Variants in ZNF827 observed in about 807,000 individuals in gnomAD.
ZNF827 encodes the protein zinc finger protein 827.
Under a neutral mutation model 102.4 loss-of-function variants are expected in ZNF827, and 13 were observed. The observed-to-expected ratio is 0.13, with a 90% CI of 0.08 to 0.20. The LOEUF is 0.20. ZNF827 is among the 10% of genes least tolerant of loss of function. The pLI is 1.00. For synonymous variants in ZNF827, 523 were observed against 536.2 expected, an observed-to-expected ratio of 0.98 and a Z score of 0.34; for missense variants, 1,103 against 1,344.4, an observed-to-expected ratio of 0.82 and a Z score of 2.81.
intron 4 of ZNF827, among the ~76,000 whole-genome samples, chr4:145,878,802 A>G (rs1284049521): frequency 3.3e-5 from 5 of 151,410 alleles, no homozygotes; most frequent in African/African-American, 1.2e-4. Flanking sequence ...GAAAAGAGCT[A>G]GCCAGACAGG....
At chr4:145,818,218 T>G (rs2126456279) in intron 8 of ZNF827, among the ~76,000 whole-genome samples, 1 of 152,322 alleles carries the variant, frequency 6.6e-6, no homozygotes, top group South Asian at 2.1e-4. Flanking sequence ...CAGTGTCTGG[T>G]GACATATTAT....
At chr4:145,849,854 A>C (rs975364685) in intron 5 of ZNF827, among the ~76,000 whole-genome samples, 18 of 152,186 alleles carry the variant, frequency 1.2e-4, no homozygotes, top group African/African-American at 4.1e-4. Flanking sequence ...TTTCTTGACC[A>C]AGGTCTCTCA....
At chr4:145,790,358 G>C (rs550829764) in intron 8 of ZNF827, among the ~76,000 whole-genome samples, 1 of 152,138 alleles carries the variant, frequency 6.6e-6, no homozygotes, top group South Asian at 2.1e-4. Flanking sequence ...GAAAAGAACA[G>C]ATCACTATAA....
chr4:145,855,743 G>A (rs1747032414), intron 5 of ZNF827, among the ~76,000 whole-genome samples: 1 of 152,198 alleles, frequency 6.6e-6, no homozygotes, highest in Admixed American at 6.5e-5. Context: ...GAAATTACAT[G>A]TTTGGCTTCT....
intron 8 of ZNF827, among the ~76,000 whole-genome samples, chr4:145,804,919 T>TG (rs769183450): frequency 2.0e-5 from 3 of 152,232 alleles, no homozygotes; most frequent in Non-Finnish European, 4.4e-5. Context: ...TTACACAATA[T>TG]AATTTGATAT....
intron 8 of ZNF827, among the ~76,000 whole-genome samples, chr4:145,821,271 C>G (rs1407681983): frequency 6.6e-6 from 1 of 152,136 alleles, no homozygotes; most frequent in Non-Finnish European, 1.5e-5. Context: ...TTTTGGATTT[C>G]AGAATTGTGA....
intron 3 of ZNF827, among the ~76,000 whole-genome samples, chr4:145,887,148 G>A (rs1471200143): frequency 2.7e-5 from 4 of 150,434 alleles, no homozygotes; most frequent in African/African-American, 4.9e-5. Context: ...AATGATTTGG[G>A]GAGCTGTGTG....
intron 1 of ZNF827, among the ~76,000 whole-genome samples, chr4:145,926,437 G>A (rs529061511): frequency 1.3e-3 from 192 of 152,222 alleles, no homozygotes; most frequent in African/African-American, 4.2e-3. Flanking sequence ...CTTTAAATCA[G>A]TGCAACCAAT....
chr4:145,935,853 G>C (rs563040265), intron 1 of ZNF827, among the ~76,000 whole-genome samples: 29 of 152,150 alleles, frequency 1.9e-4, no homozygotes, highest in Admixed American at 4.6e-4. Context: ...AAGGTCATCA[G>C]CAGGGCACGC....
At chr4:145,889,745 G>A (rs1750439629) in intron 3 of ZNF827, among the ~76,000 whole-genome samples, 1 of 152,136 alleles carries the variant, frequency 6.6e-6, no homozygotes, top group African/African-American at 2.4e-5. Context: ...GGGAGACCGA[G>A]GCAAGTGAAC....
chr4:145,908,967 G>A (rs1752077205), intron 1 of ZNF827, among the ~76,000 whole-genome samples: 1 of 152,200 alleles, frequency 6.6e-6, no homozygotes, highest in African/African-American at 2.4e-5. Flanking sequence ...TCATTAACAA[G>A]CAGCCTTGCT....
At chr4:145,844,419 C>A (rs932287386) in intron 7 of ZNF827, among the ~76,000 whole-genome samples, 3 of 149,232 alleles carry the variant, frequency 2.0e-5, no homozygotes, top group African/African-American at 7.4e-5. Context: ...GTGGCTCACC[C>A]CTGTAATCCC....
intron 8 of ZNF827, among the ~76,000 whole-genome samples, chr4:145,813,390 C>G (rs1461541648): frequency 6.6e-6 from 1 of 152,078 alleles, no homozygotes; most frequent in East Asian, 1.9e-4. Flanking sequence ...TATTGTTAAT[C>G]TCTTGCTGTG....
chr4:145,772,919 G>A (rs1736501144), intron 11 of ZNF827, among the ~76,000 whole-genome samples: 1 of 152,182 alleles, frequency 6.6e-6, no homozygotes, highest in Non-Finnish European at 1.5e-5. Flanking sequence ...CTGGTTAGTT[G>A]TGAAGTTTCC....
At chr4:145,771,093 G>A (rs2126914818) in intron 11 of ZNF827, 1 of 152,212 alleles carries the variant, frequency 6.6e-6, no homozygotes, top group South Asian at 2.1e-4. Flanking sequence ...CATATCCTTT[G>A]CTAATTCTTC....
At chr4:145,925,146 C>T (rs1415300203) in intron 1 of ZNF827, among the ~76,000 whole-genome samples, 3 of 152,058 alleles carry the variant, frequency 2.0e-5, no homozygotes, top group Non-Finnish European at 2.9e-5. Flanking sequence ...TTCACTATCA[C>T]GAGAACACCA....
At chr4:145,869,595 G>C (rs761761483) in intron 5 of ZNF827, among the ~76,000 whole-genome samples, 1 of 152,130 alleles carries the variant, frequency 6.6e-6, no homozygotes, top group Non-Finnish European at 1.5e-5. Flanking sequence ...GGACAGGGCA[G>C]ATAGGAGATG....
At chr4:145,768,912 T>A (rs1309164619) in intron 11 of ZNF827, among the ~76,000 whole-genome samples, 2 of 43,252 alleles carry the variant, frequency 4.6e-5, no homozygotes, top group Non-Finnish European at 4.6e-5. Flanking sequence ...TATATATATA[T>A]ATATTAGGTA....
chr4:145,900,732 C>T (rs1306878630), intron 2 of ZNF827, among the ~76,000 whole-genome samples: 1 of 152,052 alleles, frequency 6.6e-6, no homozygotes, highest in African/African-American at 2.4e-5. Flanking sequence ...TTATATACAG[C>T]CATACCTCTC....
Sources: allele counts gnomAD v4.1 joint callset (sites outside exome capture counted in the v4.1 genomes callset), GRCh38; gene constraint gnomAD v4.1.1; transcripts MANE v1.5; gene names NCBI Gene and HGNC (gene_info 2026-07-23, HGNC 2026-07-21).